Variants in LMO7 observed in about 807,000 individuals in gnomAD.
LMO7 encodes LIM domain 7.
A neutral mutation model predicts 206.5 loss-of-function variants in LMO7; 120 were observed. The observed-to-expected ratio is 0.58, with a 90% CI of 0.50 to 0.68. LMO7 has a LOEUF of 0.68. LMO7 is among the 30% of genes least tolerant of loss of function. LMO7 has a pLI of 0.00. For missense variants in LMO7, 1,959 were observed against 1,957.9 expected, an observed-to-expected ratio of 1.00 and a Z score of -0.01; for synonymous variants, 706 against 681.5, an observed-to-expected ratio of 1.04 and a Z score of -0.56.
intron 14 of LMO7, among the ~76,000 whole-genome samples, chr13:75,822,129 A>G (rs1595301307): frequency 6.6e-6 from 1 of 152,314 alleles, no homozygotes; most frequent in East Asian, 1.9e-4. Context: ...TGAAGGGGTT[A>G]GAATATTGCA....
chr13:75,649,357 A>G (rs1487801016), intron 1 of LMO7, among the ~76,000 whole-genome samples: 3 of 152,214 alleles, frequency 2.0e-5, no homozygotes, highest in African/African-American at 7.2e-5. Context: ...ATGGTCAAAA[A>G]GCTAGTAGAA....
At chr13:75,793,842 G>A (rs1289194141) in intron 4 of LMO7, among the ~76,000 whole-genome samples, 1 of 152,080 alleles carries the variant, frequency 6.6e-6, no homozygotes, top group Non-Finnish European at 1.5e-5. Flanking sequence ...TCCCACAAGG[G>A]TAACCACTAC....
At chr13:75,705,490 T>G (rs924946963) in intron 1 of LMO7, among the ~76,000 whole-genome samples, 14 of 152,108 alleles carry the variant, frequency 9.2e-5, no homozygotes, top group African/African-American at 3.1e-4. Flanking sequence ...AAGAAAAAAT[T>G]GTATACAAGG....
chr13:75,854,842 A>G (rs1001975107), intron 28 of LMO7: 1 of 154,824 alleles, frequency 6.5e-6, no homozygotes, highest in African/African-American at 2.4e-5. Context: ...AAGCCTCTTG[A>G]AGAAAGCTGG....
chr13:75,739,042 C>T (rs923728481), intron 3 of LMO7, among the ~76,000 whole-genome samples: 1 of 152,204 alleles, frequency 6.6e-6, no homozygotes, highest in Non-Finnish European at 1.5e-5. Flanking sequence ...GCCATTCCCC[C>T]ATTTGTGACA....
At chr13:75,829,948 A>C (rs146985830) in intron 15 of LMO7, among the ~76,000 whole-genome samples, 52 of 152,292 alleles carry the variant, frequency 3.4e-4, no homozygotes, top group Non-Finnish European at 4.3e-4. Context: ...ATGATAGACA[A>C]CTGCCTTGTC....
In LMO7 at chr13:75,842,866, T is replaced by C. The variant is rs1412051255; in HGVS notation, c.4047T>C (p.Tyr1349=). ...IYQYRRPVDS[Y]DIPKTEEASS... is the part of the protein sequence containing the mutation. ...TATCTTTTAGGCCTGTTGATTCCTA[T>C]GATATACCAAAGACAGAAGAAGCAT... The change falls in exon 25 of 31, where the codon TAT becomes TAC. Residue 1349 remains tyrosine (Y), a synonymous_variant. Coordinates refer to ENST00000377534, the MANE Select transcript of LMO7 (RefSeq NM_001306080.2). 6.2e-7 allele frequency: 1 copy of C among 1,606,308 alleles called. No individual in the cohort carries two copies. The highest frequency in any genetic ancestry group is 2.2e-5 in the East Asian group (1 of 44,808).
At chr13:75,762,444 G>A (rs143931519) in intron 4 of LMO7, among the ~76,000 whole-genome samples, 224 of 152,270 alleles carry the variant, frequency 1.5e-3, no homozygotes, top group Non-Finnish European at 2.5e-3. Context: ...GTTGATGCTT[G>A]TTAAGCGTTA....
At chr13:75,799,107 T>C (rs2054405607) in intron 6 of LMO7, among the ~76,000 whole-genome samples, 1 of 152,360 alleles carries the variant, frequency 6.6e-6, no homozygotes, top group Admixed American at 6.5e-5. Context: ...TCAACTCTAA[T>C]GCCAGGGTGT....
intron 1 of LMO7, among the ~76,000 whole-genome samples, chr13:75,654,432 A>G (rs2037854609): frequency 6.6e-6 from 1 of 152,132 alleles, no homozygotes; most frequent in Non-Finnish European, 1.5e-5. Context: ...GACACGTCCC[A>G]CTGGTCAAAT....
chr13:75,726,987 A>T (rs1410847445), intron 2 of LMO7, 42 bp from the exon 3 acceptor site: 2 of 1,102,822 alleles, frequency 1.8e-6, no homozygotes, highest in Non-Finnish European at 2.8e-6. Flanking sequence ...AAAACCTGAT[A>T]TTGGCATCTT....
chr13:75,730,562 A>T (rs1455191447), intron 3 of LMO7, among the ~76,000 whole-genome samples: 2 of 149,354 alleles, frequency 1.3e-5, no homozygotes, highest in African/African-American at 5.0e-5. Context: ...AATTTTGTTG[A>T]TCCTTTCAAA....
At chr13:75,771,377 A>C (rs1187804755) in intron 4 of LMO7, among the ~76,000 whole-genome samples, 1 of 152,022 alleles carries the variant, frequency 6.6e-6, no homozygotes, top group Non-Finnish European at 1.5e-5. Context: ...AGGTTTTATG[A>C]CTTTCATGCA....
At chr13:75,711,780 TG>T (rs1167890603) in intron 1 of LMO7, among the ~76,000 whole-genome samples, 1 of 152,250 alleles carries the variant, frequency 6.6e-6, no homozygotes, top group Non-Finnish European at 1.5e-5. Flanking sequence ...TATGAGGCTG[TG>T]GGCTCCCTGA....
chr13:75,723,193 T>TA (rs577722352), intron 2 of LMO7, among the ~76,000 whole-genome samples: 7 of 144,846 alleles, frequency 4.8e-5, no homozygotes, highest in South Asian at 2.2e-4. Context: ...AATAAAAGAT[T>TA]AAAAAAAAAC....
chr13:75,636,185 A>C, upstream of LMO7: 1 of 527,732 alleles, frequency 1.9e-6, no homozygotes, highest in Non-Finnish European at 2.4e-6. Context: ...GTCTGACCAC[A>C]GAGGCGGCCG....
chr13:75,646,995 T>C (rs2037084189), intron 1 of LMO7, among the ~76,000 whole-genome samples: 1 of 152,214 alleles, frequency 6.6e-6, no homozygotes, highest in South Asian at 2.1e-4. Flanking sequence ...CTACTGCCAT[T>C]ATCTTCCCTT....
intron 11 of LMO7, 55 bp from the exon 12 acceptor site, chr13:75,817,106 C>T (rs2057087012): frequency 7.9e-7 from 1 of 1,267,072 alleles, no homozygotes; most frequent in Admixed American, 1.8e-5. Context: ...CTCAGTTTAA[C>T]CCCTAAGTCT....
intron 1 of LMO7, among the ~76,000 whole-genome samples, chr13:75,675,108 G>C (rs1306295564): frequency 7.2e-6 from 1 of 138,704 alleles, no homozygotes; most frequent in East Asian, 2.0e-4. Flanking sequence ...ATGAAATTTT[G>C]CTGTGTCGCC....
Sources: allele counts gnomAD v4.1 joint callset (sites outside exome capture counted in the v4.1 genomes callset), GRCh38; gene constraint gnomAD v4.1.1; transcripts MANE v1.5; gene names NCBI Gene and HGNC (gene_info 2026-07-23, HGNC 2026-07-21).